The following HEATR6 variants were observed in gnomAD, a reference collection of about 807,000 sequenced individuals.
HEATR6 encodes HEAT repeat containing 6, also known as HEAT repeat-containing protein 6.
A neutral mutation model predicts 132.8 loss-of-function variants in HEATR6; 106 were observed. That is an observed-to-expected ratio of 0.80 (90% CI 0.68 to 0.94). The LOEUF is 0.94. HEATR6 is among the 40% of genes least tolerant of loss of function. HEATR6 has a pLI of 0.00. For missense variants in HEATR6, 1,339 were observed against 1,425.1 expected (o/e 0.94, Z 0.97); for synonymous variants, 529 against 537.8 (o/e 0.98, Z 0.23).
chr17:60,073,375 C>G (rs2083279425), intron 3 of HEATR6, 96 bp from the exon 4 acceptor site: 2 of 711,962 alleles, frequency 2.8e-6, no homozygotes, highest in African/African-American at 1.8e-5. Flanking sequence ...AACTAAATGG[C>G]AGTTAAGCAC....
At chr17:60,048,486 C>A in intron 16 of HEATR6, 98 bp from the exon 17 acceptor site, 1 of 1,138,992 alleles carries the variant, frequency 8.8e-7, no homozygotes, top group South Asian at 1.9e-5. Context: ...AGCCTTCATG[C>A]ACATTTCTAC....
rs181048297 is a variant in HEATR6 at position 60,066,436 on chromosome 17, T to A, written c.1239-50A>T. 1,232 of 1,352,796 alleles carry A rather than the reference T, an allele frequency of 9.1e-4. 8 individuals carry two copies. Among genetic ancestry groups the A allele is most frequent in the African/African-American group, 7.9e-4 (53 of 67,376 alleles). The allele number at this position is 1,352,796 out of a possible 1,614,324, so 83.8% of individuals were successfully genotyped here. On this transcript the variant is annotated intron_variant, in intron 8 of 19. Transcript: ENST00000184956. ...AAAAACACTTAAAAAATCATTTTTT[T>A]AAAAAAAATGCAAACATGAAATGGT...
intron 16 of HEATR6, 70 bp from the exon 17 acceptor site, chr17:60,048,458 T>C (rs1906446767): frequency 6.8e-7 from 1 of 1,462,604 alleles, no homozygotes; most frequent in Non-Finnish European, 9.3e-7. Context: ...TTCTCACTTA[T>C]TTTCAGATAA....
At chr17:60,046,594 TAG>T (rs1344240062) in intron 18 of HEATR6, among the ~76,000 whole-genome samples, 2 of 152,210 alleles carry the variant, frequency 1.3e-5, no homozygotes, top group African/African-American at 4.8e-5. Flanking sequence ...TCTACTAGAC[TAG>T]AGTCTCAACC....
At chr17:60,064,334 A>C in intron 9 of HEATR6, 1 of 159,050 alleles carries the variant, frequency 6.3e-6, no homozygotes, top group Non-Finnish European at 1.3e-5. Context: ...AACAAACAAA[A>C]GCCTGTCCCA....
chr17:60,046,530 T>G (rs1014694308), intron 18 of HEATR6, among the ~76,000 whole-genome samples: 1 of 152,180 alleles, frequency 6.6e-6, no homozygotes, highest in African/African-American at 2.4e-5. Flanking sequence ...CAAGGCTGAT[T>G]GATAGCAAGA....
chr17:60,076,005 C>A, intron 2 of HEATR6, 125 bp downstream of exon 2: 2 of 556,410 alleles, frequency 3.6e-6, no homozygotes, highest in South Asian at 2.4e-5. Flanking sequence ...CTTATTTAGG[C>A]ATTTGCTTTT....
intron 4 of HEATR6, 83 bp from the exon 5 acceptor site, chr17:60,072,412 T>C (rs747389767): frequency 1.5e-5 from 10 of 676,936 alleles, no homozygotes; most frequent in Admixed American, 2.5e-5. Flanking sequence ...ATAGCAGTAA[T>C]ATAGACTATT....
In HEATR6 at chr17:60,076,242, CA is replaced by C. The variant is rs761478826; in HGVS notation, c.220-6del. 54,617 of 1,069,684 alleles carry C rather than the reference CA, an allele frequency of 0.051. No homozygotes were observed. Among genetic ancestry groups the C allele is most frequent in the South Asian group, 0.077 (4,094 of 53,202 alleles). The allele number at this position is 1,069,684 out of a possible 1,614,324, so 66.3% of individuals were successfully genotyped here. ...GACAAGAAGAGCACTAACGTCCTAC[CA>C]AAAAAAAAAAGATAAGAGGTAAAAT... is the stretch of plus-strand genomic sequence containing the variant. On this transcript the variant is annotated splice_region_variant and splice_polypyrimidine_tract_variant and intron_variant, in intron 1 of 19. Transcript: ENST00000184956.
intron 19 of HEATR6, among the ~76,000 whole-genome samples, chr17:60,045,021 C>T (rs1367888904): frequency 1.3e-5 from 2 of 152,184 alleles, no homozygotes; most frequent in African/African-American, 4.8e-5. Context: ...TGGAGCTTCC[C>T]TTTCCCTCCA....
chr17:60,049,523 T>C (rs1007630740), intron 16 of HEATR6, 57 bp downstream of exon 16: 8 of 1,600,480 alleles, frequency 5.0e-6, no homozygotes, highest in East Asian at 4.5e-5. Context: ...ATCCACAAAA[T>C]AGGGGTGTCA....
chr17:60,067,106 T>C (rs2083245104), intron 8 of HEATR6, among the ~76,000 whole-genome samples: 2 of 151,078 alleles, frequency 1.3e-5, no homozygotes, highest in South Asian at 4.2e-4. Flanking sequence ...CCGTCTCTAC[T>C]AAAAATACAA....
intron 16 of HEATR6, among the ~76,000 whole-genome samples, chr17:60,048,976 TATATATA>T (rs201585622): frequency 0.012 from 774 of 62,630 alleles, 18 homozygotes; most frequent in African/African-American, 0.092. Flanking sequence ...AAATAACATA[TATATATA>T]ATATATATAT....
At chr17:60,064,499 A>T (rs1488478301) in intron 9 of HEATR6, 2 of 152,266 alleles carry the variant, frequency 1.3e-5, no homozygotes. Context: ...TGATTAAAAG[A>T]ATCTCTTAAG....
intron 17 of HEATR6, among the ~76,000 whole-genome samples, 188 bp from the exon 18 acceptor site, chr17:60,047,593 C>CAA (rs56109196): frequency 2.3e-4 from 32 of 141,084 alleles, no homozygotes; most frequent in African/African-American, 6.8e-4. Flanking sequence ...AGGAATGTCT[C>CAA]AAAAAAAAAA....
intron 14 of HEATR6, among the ~76,000 whole-genome samples, chr17:60,053,287 C>A (rs1906643908): frequency 6.6e-6 from 1 of 152,202 alleles, no homozygotes; most frequent in South Asian, 2.1e-4. Context: ...GGAGGTCTCA[C>A]CAGAACTAGA....
intron 12 of HEATR6, among the ~76,000 whole-genome samples, chr17:60,056,548 T>C (rs573362206): frequency 3.9e-5 from 6 of 152,346 alleles, no homozygotes; most frequent in African/African-American, 1.4e-4. Flanking sequence ...AGGACATGCT[T>C]CATGCTGCCC....
Position 60,059,493 on chromosome 17 carries a change from G to C in HEATR6, c.1652C>G (p.Pro551Arg), listed in dbSNP as rs771066750. 1.2e-6 allele frequency: 2 copies of C among 1,612,856 alleles called. No individual in the cohort carries two copies. The highest frequency in any genetic ancestry group is 2.7e-5 in the African/African-American group (2 of 74,858). The change falls in exon 11 of 20, where the codon CCT becomes CGT. Residue 551 changes from proline (P) to arginine (R), a missense_variant. Pro to Arg is a moderately radical substitution (Grantham distance 103). Transcript: ENST00000184956. ...KCLANLVSNAPYDRLKLSLLT... is the reference protein window; with the variant it reads ...KCLANLVSNARYDRLKLSLLT... ...CAGGCTGAGTTTTAGACGATCATAAGGTGCATTTGATACTAAATTTGCAAG... is the reference window on the plus strand; with the variant it reads ...CAGGCTGAGTTTTAGACGATCATAACGTGCATTTGATACTAAATTTGCAAG...
At chr17:60,047,139 C>T (rs1215548816) in intron 18 of HEATR6, among the ~76,000 whole-genome samples, 170 bp downstream of exon 18, 2 of 151,986 alleles carry the variant, frequency 1.3e-5, no homozygotes, top group Non-Finnish European at 2.9e-5. Context: ...AGAAACCATA[C>T]ACGTGTGGAA....
Sources: allele counts gnomAD v4.1 joint callset (sites outside exome capture counted in the v4.1 genomes callset), GRCh38; gene constraint gnomAD v4.1.1; transcripts MANE v1.5; gene names NCBI Gene and HGNC (gene_info 2026-07-23, HGNC 2026-07-21).